The following EBF1 variants were observed in gnomAD, a reference collection of about 807,000 sequenced individuals.
EBF1 encodes EBF transcription factor 1.
In EBF1, 10 loss-of-function variants were observed where a neutral mutation model predicts 68.4. The ratio of observed to expected loss-of-function variants is 0.15; its 90% CI spans 0.09 to 0.25. The LOEUF is 0.25. Ranked by LOEUF, EBF1 falls within the 10% of genes least tolerant of loss-of-function variation. The pLI is 1.00. For synonymous variants in EBF1, 298 were observed against 299.8 expected, an observed-to-expected ratio of 0.99 and a Z score of 0.06; for missense variants, 509 against 794.4, an observed-to-expected ratio of 0.64 and a Z score of 4.32.
intron 7 of EBF1, among the ~76,000 whole-genome samples, chr5:158,833,219 T>C (rs1787986721): frequency 1.3e-5 from 2 of 149,642 alleles, no homozygotes; most frequent in East Asian, 3.9e-4. Context: ...GGCAGGAGAA[T>C]CGCTTGAACC....
chr5:158,934,347 A>G (rs1811532600), intron 6 of EBF1, among the ~76,000 whole-genome samples: 1 of 152,184 alleles, frequency 6.6e-6, no homozygotes, highest in Non-Finnish European at 1.5e-5. Flanking sequence ...TACAAGAGCA[A>G]TCCCACCATC....
In EBF1 at chr5:158,699,040, G is replaced by T. The variant is rs1756206092; in HGVS notation, c.*71C>A. On this transcript the variant is annotated 3_prime_UTR_variant, in exon 16 of 16. Coordinates refer to ENST00000313708, the MANE Select transcript of EBF1 (RefSeq NM_024007.5). ...GCCTGAGTTAAAAGTTCCACTCTGG[G>T]ACTTGTATCAGATTACTCTCTGTAG... The T allele has an allele frequency of 7.1e-7, 1 of 1,417,446 alleles. No individual in the cohort carries two copies. The highest frequency in any genetic ancestry group is 9.5e-7 in the Non-Finnish European group (1 of 1,047,820). The allele number at this position is 1,417,446 out of a possible 1,614,324, so 87.8% of individuals were successfully genotyped here. A position where few individuals can be genotyped will look rare whatever the true frequency, so the allele number is the denominator to read the frequency against.
chr5:158,712,161 G>A lies in EBF1; in HGVS notation c.1542C>T (p.Pro514=), dbSNP rs770360981. ...ATATGCATCTCTACTTACTGGCATA[G>A]GGGGAGTTGGCAGCTGAGCCGTTGA... The part of the protein sequence containing the change: ...TFLNGSAANS[P]YAIVPSSPTM... The change falls in exon 14 of 16, where the codon CCC becomes CCT. Residue 514 remains proline, a synonymous_variant. Transcript: ENST00000313708. The A allele has an allele frequency of 6.2e-7, 1 of 1,613,748 alleles. No homozygotes were observed. Among genetic ancestry groups the A allele is most frequent in the East Asian group, 2.2e-5 (1 of 44,854 alleles).
rs552328644 is a variant in EBF1, at chr5:158,845,700, A to G, written c.555-5590T>C. On this transcript the variant is annotated intron_variant, in intron 6 of 15. Transcript: ENST00000313708. Reference sequence around the variant, plus strand: ...CTATAGGTTTCATTGAATGACCTACAAAAAGAAAAAAAAAAAAAAGAAGAA... The same window carrying G: ...CTATAGGTTTCATTGAATGACCTACGAAAAGAAAAAAAAAAAAAAGAAGAA... Among the ~76,000 whole-genome samples the G allele has an allele frequency of 1.9e-4, 8 of 41,170 alleles. No homozygotes were observed. In the Admixed American group the frequency reaches 2.0e-3, roughly 10 times the overall value. The allele number at this position is 41,170 out of a possible 152,430, so 27.0% of individuals were successfully genotyped here.
chr5:158,893,781 C>G (rs997102491), intron 6 of EBF1, among the ~76,000 whole-genome samples: 1 of 152,192 alleles, frequency 6.6e-6, no homozygotes, highest in East Asian at 1.9e-4. Flanking sequence ...CTTTAAGTTA[C>G]TCTGCATAAA....
At chr5:158,713,905 T>C (rs1439055860) in intron 12 of EBF1, among the ~76,000 whole-genome samples, 1 of 152,250 alleles carries the variant, frequency 6.6e-6, no homozygotes, top group Non-Finnish European at 1.5e-5. Context: ...GGAGTACCTT[T>C]TCTCATACAG....
chr5:159,016,855 A>G (rs1183893797), intron 6 of EBF1, among the ~76,000 whole-genome samples: 1 of 152,224 alleles, frequency 6.6e-6, no homozygotes, highest in African/African-American at 2.4e-5. Flanking sequence ...AGAAAGGACA[A>G]GTAGATAAGT....
At chr5:158,922,832 G>A (rs1808735120) in intron 6 of EBF1, among the ~76,000 whole-genome samples, 1 of 152,180 alleles carries the variant, frequency 6.6e-6, no homozygotes, top group Non-Finnish European at 1.5e-5. Flanking sequence ...TTATTTCAAG[G>A]ACTATCATTT....
chr5:158,747,352 A>T (rs1017177455), intron 10 of EBF1, among the ~76,000 whole-genome samples: 5 of 152,172 alleles, frequency 3.3e-5, no homozygotes, highest in Admixed American at 3.3e-4. Context: ...AGATATTCCT[A>T]TTTCACAGAT....
At chr5:158,714,647 T>C (rs551352826) in intron 11 of EBF1, among the ~76,000 whole-genome samples, 1 of 152,272 alleles carries the variant, frequency 6.6e-6, no homozygotes, top group Non-Finnish European at 1.5e-5. Flanking sequence ...GTATTAAACT[T>C]CTTTTGTTTA....
At chr5:158,939,453 C>A (rs1403641298) in intron 6 of EBF1, among the ~76,000 whole-genome samples, 1 of 152,084 alleles carries the variant, frequency 6.6e-6, no homozygotes, top group African/African-American at 2.4e-5. Context: ...ATGGGTATAC[C>A]AGATCAGCAG....
At chr5:158,927,494 C>T (rs1363636867) in intron 6 of EBF1, among the ~76,000 whole-genome samples, 1 of 152,170 alleles carries the variant, frequency 6.6e-6, no homozygotes, top group African/African-American at 2.4e-5. Context: ...CCAGCAAGTA[C>T]ACAGCTTATC....
intron 6 of EBF1, among the ~76,000 whole-genome samples, chr5:158,958,221 A>G (rs1009993146): frequency 2.0e-5 from 3 of 152,148 alleles, no homozygotes; most frequent in Non-Finnish European, 4.4e-5. Context: ...TAAGTAAGGG[A>G]TCCTCTTTTA....
chr5:159,055,268 G>C (rs531992055), intron 6 of EBF1, among the ~76,000 whole-genome samples: 1 of 152,270 alleles, frequency 6.6e-6, no homozygotes, highest in East Asian at 1.9e-4. Context: ...GATTTATAAG[G>C]GTAGAGAGGA....
chr5:158,721,580 G>A (rs1761940298), intron 11 of EBF1, among the ~76,000 whole-genome samples: 1 of 152,134 alleles, frequency 6.6e-6, no homozygotes, highest in South Asian at 2.1e-4. Flanking sequence ...AGTGAAAATT[G>A]TTCGCTGCCT....
intron 6 of EBF1, among the ~76,000 whole-genome samples, chr5:159,011,934 G>A (rs1764745298): frequency 6.6e-6 from 1 of 152,178 alleles, no homozygotes; most frequent in Non-Finnish European, 1.5e-5. Flanking sequence ...AAGCCACTTG[G>A]CTTTGCATCA....
intron 6 of EBF1, among the ~76,000 whole-genome samples, chr5:158,858,773 A>G (rs1224183280): frequency 6.6e-6 from 1 of 152,224 alleles, no homozygotes; most frequent in Non-Finnish European, 1.5e-5. Context: ...AGCCTGCTCC[A>G]GAAGATGGGG....
chr5:159,069,940 A>G (rs568802553), intron 6 of EBF1, among the ~76,000 whole-genome samples: 1 of 152,196 alleles, frequency 6.6e-6, no homozygotes, highest in Non-Finnish European at 1.5e-5. Context: ...CTAAACATGA[A>G]GTTTATTGCA....
At chr5:158,798,334 G>T (rs774136526) in intron 8 of EBF1, among the ~76,000 whole-genome samples, 2 of 152,154 alleles carry the variant, frequency 1.3e-5, no homozygotes, top group Non-Finnish European at 2.9e-5. Flanking sequence ...TGCTGACCCT[G>T]AGATTACCCA....
Sources: allele counts gnomAD v4.1 joint callset (sites outside exome capture counted in the v4.1 genomes callset), GRCh38; gene constraint gnomAD v4.1.1; transcripts MANE v1.5; gene names NCBI Gene and HGNC (gene_info 2026-07-23, HGNC 2026-07-21).